SORCS3: variants seen among roughly 807,000 people sequenced by gnomAD.
The protein encoded by SORCS3 is sortilin related VPS10 domain containing receptor 3.
SORCS3 carries 57 observed loss-of-function variants against 146.3 expected under a neutral mutation model. The observed-to-expected ratio is 0.39, with a 90% CI of 0.31 to 0.49. The LOEUF is 0.49. SORCS3 is among the 20% of genes least tolerant of loss of function. The probability of loss-of-function intolerance (pLI) is 0.92; values close to 1 mark genes in which losing one functional copy is unlikely to be tolerated. For synonymous variants in SORCS3, 653 were observed against 618.5 expected, an observed-to-expected ratio of 1.06 and a Z score of -0.83; for missense variants, 1,341 against 1,575.5, an observed-to-expected ratio of 0.85 and a Z score of 2.52.
At chr10:104,736,302 G>C (rs992765170) in intron 1 of SORCS3, among the ~76,000 whole-genome samples, 3 of 152,138 alleles carry the variant, frequency 2.0e-5, no homozygotes, top group Non-Finnish European at 2.9e-5. Context: ...GCGGGTTGAG[G>C]GGGGCAGGAC....
intron 3 of SORCS3, among the ~76,000 whole-genome samples, chr10:104,944,784 C>T (rs947748791): frequency 1.1e-4 from 17 of 152,152 alleles, no homozygotes; most frequent in African/African-American, 4.1e-4. Flanking sequence ...TTTAGAAAAC[C>T]GGCAGTGTCT....
chr10:104,969,336 T>C (rs1257341015), intron 3 of SORCS3, among the ~76,000 whole-genome samples: 3 of 148,338 alleles, frequency 2.0e-5, no homozygotes, highest in South Asian at 2.1e-4. Flanking sequence ...TGTGTGTGTG[T>C]GTGTGCGCGC....
chr10:104,680,881 G>A (rs1490483286), intron 1 of SORCS3, among the ~76,000 whole-genome samples: 1 of 152,206 alleles, frequency 6.6e-6, no homozygotes, highest in Non-Finnish European at 1.5e-5. Context: ...CAAGAAGGAG[G>A]CAACGAAAAG....
chr10:105,173,445 C>T (rs1484490739), intron 13 of SORCS3, among the ~76,000 whole-genome samples: 7 of 152,116 alleles, frequency 4.6e-5, no homozygotes, highest in Admixed American at 4.6e-4. Flanking sequence ...TTTGCTCATG[C>T]AACCTCTATA....
chr10:105,008,427 G>T (rs938150579), intron 4 of SORCS3, among the ~76,000 whole-genome samples: 1 of 152,124 alleles, frequency 6.6e-6, no homozygotes, highest in Non-Finnish European at 1.5e-5. Context: ...GAAATTGAAG[G>T]CTGTGACACC....
chr10:105,156,286 G>C (rs1201809974), intron 9 of SORCS3, among the ~76,000 whole-genome samples: 1 of 152,168 alleles, frequency 6.6e-6, no homozygotes, highest in Admixed American at 6.5e-5. Flanking sequence ...ATCTTTCTTT[G>C]ATGCAGGATG....
chr10:104,911,853 C>A (rs1399529508), intron 2 of SORCS3, among the ~76,000 whole-genome samples: 2 of 152,182 alleles, frequency 1.3e-5, no homozygotes, highest in Non-Finnish European at 2.9e-5. Flanking sequence ...TAGCCAGAAT[C>A]TCCCAGCCTC....
rs375120368 is a variant in SORCS3 at position 104,936,841 on chromosome 10, A to G, written c.795+20909A>G. On this transcript the variant is annotated intron_variant, in intron 3 of 26. Coordinates refer to ENST00000369701, the MANE Select transcript of SORCS3 (RefSeq NM_014978.3). ...CAGGTACAGGGATCACCAAATGAAC[A>G]GACTTGGTCTCTGTCCAAGGAAACA... 3.9e-5 allele frequency among the ~76,000 whole-genome samples: 6 copies of G among 152,350 alleles called. No homozygotes were observed. In the South Asian group the frequency reaches 1.2e-3, roughly 32 times the overall value.
At chr10:104,668,230 T>G (rs187461371) in intron 1 of SORCS3, among the ~76,000 whole-genome samples, 1 of 152,362 alleles carries the variant, frequency 6.6e-6, no homozygotes. Flanking sequence ...AACCTTGTTC[T>G]TTCCAGGGCC....
chr10:105,181,341 G>A (rs2056441528), intron 14 of SORCS3, among the ~76,000 whole-genome samples: 1 of 152,124 alleles, frequency 6.6e-6, no homozygotes, highest in Admixed American at 6.5e-5. Flanking sequence ...TGGGGGCTGG[G>A]GTTGGATAGG....
intron 1 of SORCS3, among the ~76,000 whole-genome samples, chr10:104,722,389 A>G (rs2016560381): frequency 6.6e-6 from 1 of 152,138 alleles, no homozygotes; most frequent in Admixed American, 6.5e-5. Context: ...CCAATATTTT[A>G]TTGAGGATTT....
intron 1 of SORCS3, among the ~76,000 whole-genome samples, chr10:104,786,825 T>A (rs1170443780): frequency 6.6e-6 from 1 of 152,126 alleles, no homozygotes; most frequent in Non-Finnish European, 1.5e-5. Context: ...CACTTGGTTC[T>A]GGACTGAAGC....
At chr10:104,860,615 G>A (rs1441660190) in intron 2 of SORCS3, among the ~76,000 whole-genome samples, 4 of 152,052 alleles carry the variant, frequency 2.6e-5, no homozygotes, top group Non-Finnish European at 5.9e-5. Flanking sequence ...AACAACAGCA[G>A]CATCAATAAT....
At chr10:104,715,095 C>G (rs1012523475) in intron 1 of SORCS3, among the ~76,000 whole-genome samples, 21 of 152,114 alleles carry the variant, frequency 1.4e-4, no homozygotes, top group African/African-American at 4.8e-4. Context: ...GGTGGGATGG[C>G]TAATTTTGTG....
chr10:105,186,884 C>CAAAA (rs35043705), intron 14 of SORCS3, among the ~76,000 whole-genome samples: 2 of 101,486 alleles, frequency 2.0e-5, no homozygotes, highest in Non-Finnish European at 2.0e-5. Context: ...GACTCCATCT[C>CAAAA]AAAAAAAAAA....
chr10:104,775,315 G>A (rs1181800352), intron 1 of SORCS3, among the ~76,000 whole-genome samples: 1 of 152,238 alleles, frequency 6.6e-6, no homozygotes, highest in Non-Finnish European at 1.5e-5. Context: ...AGAGCACACA[G>A]CACAGTGTTT....
At chr10:105,061,083 A>G (rs1293921546) in intron 5 of SORCS3, among the ~76,000 whole-genome samples, 2 of 152,238 alleles carry the variant, frequency 1.3e-5, no homozygotes, top group Non-Finnish European at 2.9e-5. Flanking sequence ...TTCACAAGTT[A>G]TGGTGGCCAC....
rs537816704 is a variant in SORCS3, at chr10:104,828,625, C to T, written c.628-14167C>T. On this transcript the variant is annotated intron_variant, in intron 1 of 26. Transcript: ENST00000369701. ...CTGTTGGAAACATGGTTCCAACAGG[C>T]TTGCTCGACATGGGGTTGCCACAAG... Among the ~76,000 whole-genome samples the T allele has an allele frequency of 6.6e-5, 10 of 152,184 alleles. No homozygotes were observed. The East Asian group carries it at 1.2e-3, about 18-fold the overall frequency.
chr10:104,781,959 T>C (rs1465351307), intron 1 of SORCS3, among the ~76,000 whole-genome samples: 1 of 152,248 alleles, frequency 6.6e-6, no homozygotes, highest in Non-Finnish European at 1.5e-5. Flanking sequence ...TTACGGAGCT[T>C]TACAGCTTTA....
Sources: allele counts gnomAD v4.1 joint callset (sites outside exome capture counted in the v4.1 genomes callset), GRCh38; gene constraint gnomAD v4.1.1; transcripts MANE v1.5; gene names NCBI Gene and HGNC (gene_info 2026-07-23, HGNC 2026-07-21).